CLEC16A: variants seen among roughly 807,000 people sequenced by gnomAD.
The protein encoded by CLEC16A is protein CLEC16A.
CLEC16A carries 51 observed loss-of-function variants against 109.5 expected under a neutral mutation model. The ratio of observed to expected loss-of-function variants is 0.47; its 90% CI spans 0.37 to 0.59. The LOEUF (loss-of-function observed/expected upper bound fraction) is 0.59. Ranked by LOEUF, CLEC16A falls within the 20% of genes least tolerant of loss-of-function variation. CLEC16A has a pLI of 0.00. For missense variants in CLEC16A, 1,339 were observed against 1,394.0 expected (o/e 0.96, Z 0.63); for synonymous variants, 673 against 564.2 (o/e 1.19, Z -2.73).
At chr16:11,160,742 G>A (rs2054694666) in intron 22 of CLEC16A, among the ~76,000 whole-genome samples, 1 of 152,224 alleles carries the variant, frequency 6.6e-6, no homozygotes, top group Admixed American at 6.5e-5. Context: ...TCGGGTAAAA[G>A]AAGCCTTGTA....
intron 1 of CLEC16A, among the ~76,000 whole-genome samples, chr16:10,951,379 A>G (rs1026321444): frequency 2.0e-5 from 3 of 148,106 alleles, no homozygotes; most frequent in East Asian, 2.0e-4. Flanking sequence ...TGGTTTATCT[A>G]TTTGGTGTTT....
rs533128805 is a variant in CLEC16A at position 11,137,213 on chromosome 16, ATTTGT to A, written c.2641+11071_2641+11075del. Among the ~76,000 whole-genome samples the A allele has an allele frequency of 2.7e-3, 414 of 152,166 alleles. 2 individuals carry two copies. The highest frequency in any genetic ancestry group is 3.1e-3 in the Non-Finnish European group (213 of 67,998). ...TGTTTTTTTTCTTTGCTTCTGAATC[ATTTGT>A]TTTATCAACCGCAAGTTCTCATTAA... On this transcript the variant is annotated intron_variant, in intron 22 of 23. Coordinates refer to ENST00000409790, the MANE Select transcript of CLEC16A (RefSeq NM_015226.3).
Position 11,178,601 on chromosome 16 carries a change from C to T in CLEC16A, c.3073C>T (p.Pro1025Ser), listed in dbSNP as rs779753971. ...PHSLRSLTGM[P>S]PLSTPAAACT... ...CAGCCTCCGCAGCCTCACCGGCATG[C>T]CCCCGCTGTCCACGCCGGCTGCCGC... Residue 1025 changes from proline (P) to serine (S), a missense_variant, in exon 24 of 24, where the codon CCC becomes TCC. By Grantham distance (74) the Pro-to-Ser change is moderately conservative (BLOSUM62 -1). Around this residue, in one of 3 missense-constraint regions of CLEC16A, gnomAD observed 1,061 missense variants for 1,006.8 expected, o/e 1.05. Coordinates refer to ENST00000409790, the MANE Select transcript of CLEC16A (RefSeq NM_015226.3). The surrounding 1 kb of genome is among the most constrained non-coding windows in gnomAD (Gnocchi z 6.5). The T allele has an allele frequency of 1.2e-6, 2 of 1,606,698 alleles. No individual in the cohort carries two copies.
intron 11 of CLEC16A, 25 bp from the exon 12 acceptor site, chr16:11,020,168 T>C: frequency 1.2e-6 from 2 of 1,600,858 alleles, no homozygotes; most frequent in Non-Finnish European, 1.7e-6. Context: ...TCTGGACTCA[T>C]CCCAGTCTCC....
intron 3 of CLEC16A, among the ~76,000 whole-genome samples, chr16:10,966,559 C>G (rs573909189): frequency 5.2e-4 from 79 of 152,272 alleles, no homozygotes; most frequent in African/African-American, 1.6e-3. Context: ...CGTAGATATA[C>G]CCGAGGCTGG....
intron 15 of CLEC16A, among the ~76,000 whole-genome samples, chr16:11,043,462 C>T (rs576081260): frequency 7.2e-5 from 11 of 151,984 alleles, no homozygotes; most frequent in Admixed American, 6.6e-5. Flanking sequence ...ACCCATTTTC[C>T]CCCAATTAAC....
At chr16:11,162,296 G>C (rs1259758991) in intron 22 of CLEC16A, among the ~76,000 whole-genome samples, 1 of 152,238 alleles carries the variant, frequency 6.6e-6, no homozygotes, top group Non-Finnish European at 1.5e-5. Context: ...GGAGTGGCCT[G>C]CCTGGCCCTG....
At position 11,060,973 on chromosome 16, in the gene CLEC16A, G is replaced by A. The variant is rs199810490; in HGVS notation, c.2067G>A (p.Pro689=). Reference sequence around the variant, plus strand: ...GAGGGGAGCCTGAGACACAGTTGCCGCTGACTCGGGAGGAGGACCTGATCA... The same window carrying A: ...GAGGGGAGCCTGAGACACAGTTGCCACTGACTCGGGAGGAGGACCTGATCA... The part of the protein sequence containing the change: ...QLRGEPETQL[P]LTREEDLIKT... The change falls in exon 19 of 24, where the codon CCG becomes CCA. Residue 689 remains proline (P), a synonymous_variant. Coordinates refer to ENST00000409790, the MANE Select transcript of CLEC16A (RefSeq NM_015226.3). 150 of 1,612,030 alleles carry A rather than the reference G, an allele frequency of 9.3e-5. 1 individual carries two copies. In the South Asian group the frequency reaches 1.5e-3, roughly 16 times the overall value.
intron 19 of CLEC16A, among the ~76,000 whole-genome samples, chr16:11,074,754 A>AAC (rs1440618912): frequency 6.6e-6 from 1 of 152,198 alleles, no homozygotes; most frequent in Non-Finnish European, 1.5e-5. Context: ...TCTTCTGAAA[A>AAC]ACACACACAC....
At chr16:11,115,886 T>C (rs2051951396) in intron 19 of CLEC16A, among the ~76,000 whole-genome samples, 1 of 151,414 alleles carries the variant, frequency 6.6e-6, no homozygotes, top group Admixed American at 6.6e-5. Context: ...AACATATATA[T>C]TATAAATTTT....
intron 13 of CLEC16A, among the ~76,000 whole-genome samples, chr16:11,031,365 A>G (rs889082275): frequency 1.3e-5 from 2 of 152,204 alleles, no homozygotes; most frequent in Non-Finnish European, 2.9e-5. Context: ...TCCTTCCTGC[A>G]GCCCTGACCT....
chr16:11,102,102 C>A (rs760484391), intron 19 of CLEC16A, among the ~76,000 whole-genome samples: 1 of 151,884 alleles, frequency 6.6e-6, no homozygotes. Context: ...TGTGAGCCAC[C>A]GCACCTAGTT....
chr16:11,147,623 A>G (rs1323771574), intron 22 of CLEC16A, among the ~76,000 whole-genome samples: 1 of 152,240 alleles, frequency 6.6e-6, no homozygotes, highest in African/African-American at 2.4e-5. Context: ...GCACAACTCT[A>G]TGAATACACT....
At chr16:11,135,874 G>A (rs560530040) in intron 22 of CLEC16A, among the ~76,000 whole-genome samples, 4 of 152,370 alleles carry the variant, frequency 2.6e-5, no homozygotes, top group Admixed American at 1.3e-4. Flanking sequence ...GGCCCCACAC[G>A]TAGGATAGAG....
intron 22 of CLEC16A, among the ~76,000 whole-genome samples, chr16:11,163,116 C>G (rs1480440882): frequency 6.6e-6 from 1 of 152,218 alleles, no homozygotes; most frequent in Non-Finnish European, 1.5e-5. Context: ...TCTGGCACCT[C>G]TGCCAAAGCT....
intron 1 of CLEC16A, among the ~76,000 whole-genome samples, chr16:10,949,306 C>T (rs1348154085): frequency 6.6e-6 from 1 of 152,124 alleles, no homozygotes; most frequent in Non-Finnish European, 1.5e-5. Context: ...TAGGCTCCCA[C>T]TATGTCACGT....
chr16:11,058,028 T>G (rs926750662), intron 18 of CLEC16A, among the ~76,000 whole-genome samples: 1 of 152,262 alleles, frequency 6.6e-6, no homozygotes, highest in Non-Finnish European at 1.5e-5. Context: ...ATGGCTCTTA[T>G]GCTCATATTT....
At chr16:11,043,461 C>T (rs2047458354) in intron 15 of CLEC16A, among the ~76,000 whole-genome samples, 1 of 152,024 alleles carries the variant, frequency 6.6e-6, no homozygotes, top group East Asian at 1.9e-4. Context: ...AACCCATTTT[C>T]CCCCAATTAA....
chr16:11,027,978 A>T (rs2046514383), intron 13 of CLEC16A, among the ~76,000 whole-genome samples: 2 of 152,214 alleles, frequency 1.3e-5, no homozygotes, highest in Admixed American at 1.3e-4. Context: ...AGGTGGGCAG[A>T]TCACTTGAGG....
Sources: gnomAD v4.1 joint callset for allele counts (sites outside exome capture counted in the v4.1 genomes callset) on GRCh38, gnomAD v4.1.1 for gene constraint, gnomAD v4.1.1 regional missense constraint, Gnocchi (gnomAD v3.1) non-coding constraint, MANE v1.5 for transcripts, NCBI Gene and HGNC (gene_info 2026-07-23, HGNC 2026-07-21) for gene names.